Variants in ADAM9 observed in about 807,000 individuals in gnomAD.
ADAM9 encodes the protein disintegrin and metalloproteinase domain-containing protein 9.
In ADAM9, 54 loss-of-function variants were observed where a neutral mutation model predicts 108.1. That is an observed-to-expected ratio of 0.50 (90% CI 0.40 to 0.63). The LOEUF is 0.63. Ranked by LOEUF, ADAM9 falls within the 20% of genes least tolerant of loss-of-function variation. The pLI is 0.00. For synonymous variants in ADAM9, 316 were observed against 336.0 expected, an observed-to-expected ratio of 0.94 and a Z score of 0.65; for missense variants, 830 against 997.7, an observed-to-expected ratio of 0.83 and a Z score of 2.26.
At chr8:39,084,452 TTTTC>T (rs1839120812) in intron 18 of ADAM9, among the ~76,000 whole-genome samples, 1 of 152,070 alleles carries the variant, frequency 6.6e-6, no homozygotes, top group African/African-American at 2.4e-5. Flanking sequence ...TATGCTTTTT[TTTTC>T]TTTGACTTAC....
At position 39,014,175 on chromosome 8, in the gene ADAM9, G is replaced by A; in HGVS notation, c.333+132G>A. On this transcript the variant is annotated intron_variant, in intron 4 of 21. Transcript: ENST00000487273. ...GTACCTTTAACATTATAACATATGG[G>A]TTATCTTGGGAAAAGTGGGTGCATT... The A allele has an allele frequency of 4.0e-6, 3 of 749,644 alleles. No individual in the cohort carries two copies. In the South Asian group the frequency reaches 4.6e-5, roughly 11 times the overall value. 46.4% of individuals were successfully genotyped at this position (749,644 alleles called of 1,614,324 possible).
chr8:39,002,503 A>C (rs551855599), intron 1 of ADAM9, among the ~76,000 whole-genome samples: 122 of 150,974 alleles, frequency 8.1e-4, no homozygotes, highest in Non-Finnish European at 1.6e-3. Context: ...ATTTTTTTTT[A>C]GTAAAGACGG....
At chr8:39,047,159 A>C (rs1837802026) in intron 12 of ADAM9, among the ~76,000 whole-genome samples, 2 of 152,164 alleles carry the variant, frequency 1.3e-5, no homozygotes, top group Admixed American at 1.3e-4. Flanking sequence ...CTACTAGGTC[A>C]TGTTGTATTT....
Position 38,997,850 on chromosome 8 carries a change from A to C in ADAM9, c.97+690A>C, listed in dbSNP as rs753504742. Among the ~76,000 whole-genome samples, 82 of 152,216 alleles carry C rather than the reference A, an allele frequency of 5.4e-4. 1 individual carries two copies. The highest frequency in any genetic ancestry group is 5.9e-4 in the Non-Finnish European group (40 of 68,030). On this transcript the variant is annotated intron_variant, in intron 1 of 21. Coordinates refer to ENST00000487273, the MANE Select transcript of ADAM9 (RefSeq NM_003816.3). Reference sequence around the variant, plus strand: ...GTACTGTGTTAAATCCGGACAGATAATCCCTGCTCTTTTGAACTCACAGGA... The same window carrying C: ...GTACTGTGTTAAATCCGGACAGATACTCCCTGCTCTTTTGAACTCACAGGA...
At chr8:39,046,982 TG>T (rs1451326727) in intron 12 of ADAM9, among the ~76,000 whole-genome samples, 3 of 152,182 alleles carry the variant, frequency 2.0e-5, no homozygotes, top group African/African-American at 7.2e-5. Context: ...TTGCCTAGAC[TG>T]GTCTCGAACT....
At chr8:39,081,672 T>C (rs1839028693) in intron 16 of ADAM9, among the ~76,000 whole-genome samples, 2 of 152,208 alleles carry the variant, frequency 1.3e-5, no homozygotes, top group South Asian at 4.1e-4. Flanking sequence ...TGGAGATCTT[T>C]TGACTTTAAA....
At position 39,040,303 on chromosome 8, in the gene ADAM9, C is replaced by T. The variant is rs145120862; in HGVS notation, c.1131-1643C>T. Among the ~76,000 whole-genome samples, 501 of 152,316 alleles carry T rather than the reference C, an allele frequency of 3.3e-3. 5 individuals are homozygous for T. Among genetic ancestry groups the T allele is most frequent in the African/African-American group, 0.011 (475 of 41,576 alleles). On this transcript the variant is annotated intron_variant, in intron 11 of 21. Coordinates refer to ENST00000487273, the MANE Select transcript of ADAM9 (RefSeq NM_003816.3). ...ACCTCAAGCGATCCGCCCGCCTCAG[C>T]CTCCCAAAGTGCTGGGATTACAGCG...
chr8:39,059,082 A>G lies in ADAM9; in HGVS notation c.1591+3310A>G, dbSNP rs142377405. Among the ~76,000 whole-genome samples, 794 of 152,312 alleles carry G rather than the reference A, an allele frequency of 5.2e-3. 9 individuals are homozygous for G. The highest frequency in any genetic ancestry group is 0.031 in the Middle Eastern group (9 of 294). Reference sequence around the variant, plus strand: ...GAACATGGTAAGGCCAGTGAATTCCATGTGCATGGGCCCATTGCCTCATTT... The same window carrying G: ...GAACATGGTAAGGCCAGTGAATTCCGTGTGCATGGGCCCATTGCCTCATTT... On this transcript the variant is annotated intron_variant, in intron 14 of 21. Transcript: ENST00000487273.
intron 14 of ADAM9, among the ~76,000 whole-genome samples, chr8:39,061,717 A>G (rs1257858356): frequency 6.6e-6 from 1 of 152,068 alleles, no homozygotes; most frequent in African/African-American, 2.4e-5. Context: ...GTGGATGGGC[A>G]AGAGACGAAG....
chr8:39,071,831 T>C (rs770341294), intron 15 of ADAM9, among the ~76,000 whole-genome samples: 3 of 152,204 alleles, frequency 2.0e-5, no homozygotes, highest in Admixed American at 6.5e-5. Context: ...TACCTAACTT[T>C]TCAAACATTT....
intron 14 of ADAM9, among the ~76,000 whole-genome samples, chr8:39,064,727 G>A (rs1261034962): frequency 2.6e-5 from 4 of 151,916 alleles, no homozygotes; most frequent in East Asian, 1.9e-4. Context: ...CTTTCCTTTC[G>A]GTAGTTTCCT....
At chr8:39,046,641 T>C (rs186542548) in intron 12 of ADAM9, among the ~76,000 whole-genome samples, 1 of 152,320 alleles carries the variant, frequency 6.6e-6, no homozygotes, top group African/African-American at 2.4e-5. Context: ...CCTTTATTTC[T>C]AGTTTGTTGA....
intron 20 of ADAM9, among the ~76,000 whole-genome samples, chr8:39,095,448 A>G (rs1434263799): frequency 1.3e-5 from 2 of 152,170 alleles, no homozygotes; most frequent in African/African-American, 2.4e-5. Flanking sequence ...TGACTTTCCT[A>G]AATTTCTTCA....
intron 15 of ADAM9, among the ~76,000 whole-genome samples, chr8:39,075,676 A>G (rs180843423): frequency 5.9e-5 from 9 of 152,250 alleles, no homozygotes; most frequent in African/African-American, 2.2e-4. Context: ...ATTTTCCTTT[A>G]CTTTTTAATG....
intron 5 of ADAM9, 153 bp from the exon 6 acceptor site, chr8:39,017,066 C>T: frequency 2.5e-6 from 2 of 805,362 alleles, no homozygotes; most frequent in Non-Finnish European, 4.0e-6. Flanking sequence ...TCCGTCCCAG[C>T]CCTATCTGTC....
chr8:39,022,325 T>G (rs1836774504), intron 8 of ADAM9, among the ~76,000 whole-genome samples: 1 of 152,158 alleles, frequency 6.6e-6, no homozygotes, highest in Admixed American at 6.5e-5. Flanking sequence ...CATTTACTCC[T>G]TACAGTACCC....
chr8:39,036,853 T>C (rs1837292374), intron 11 of ADAM9, among the ~76,000 whole-genome samples: 1 of 152,040 alleles, frequency 6.6e-6, no homozygotes, highest in East Asian at 1.9e-4. Flanking sequence ...CTATAGTCAA[T>C]TCATGTGGGT....
chr8:39,023,006 C>T, intron 8 of ADAM9, 150 bp from the exon 9 acceptor site: 2 of 701,426 alleles, frequency 2.9e-6, no homozygotes, highest in Middle Eastern at 4.1e-4. Context: ...AGCCACTGCG[C>T]CCCGCCCAAA....
chr8:39,076,384 A>C (rs1370748406), intron 15 of ADAM9: 1 of 152,242 alleles, frequency 6.6e-6, no homozygotes, highest in Non-Finnish European at 1.5e-5. Context: ...AATGAGGATA[A>C]ATGCTTTACA....
Sources: allele counts gnomAD v4.1 joint callset (sites outside exome capture counted in the v4.1 genomes callset), GRCh38; gene constraint gnomAD v4.1.1; transcripts MANE v1.5; gene names NCBI Gene and HGNC (gene_info 2026-07-23, HGNC 2026-07-21).